SF1: variants seen among roughly 807,000 people sequenced by gnomAD.
The protein encoded by SF1 is branch point-binding protein.
Under a neutral mutation model 62.5 loss-of-function variants are expected in SF1, and 7 were observed. The ratio of observed to expected loss-of-function variants is 0.11; its 90% CI spans 0.06 to 0.21. The LOEUF is 0.21. Ranked by LOEUF, SF1 falls within the 10% of genes least tolerant of loss-of-function variation. SF1 has a pLI of 1.00. For missense variants in SF1, 578 were observed against 884.0 expected (o/e 0.65, Z 4.39); for synonymous variants, 394 against 323.6 (o/e 1.22, Z -2.33).
rs370298512 is a variant in SF1 at position 64,765,961 on chromosome 11, C to T, written c.1777G>A (p.Ala593Thr). The change falls in exon 13 of 13, where the codon GCC (alanine) becomes ACC (threonine). Residue 593 changes from alanine to threonine, a missense_variant. Transcript: ENST00000377390. The part of the protein sequence containing the change: ...PPPPPPPPGS[A>T]GMMYAPPPPP... The stretch of plus-strand genomic sequence containing the variant: ...GGGGGCGGGGCATACATCATGCCGG[C>T]GGAACCAGGCGGTGGAGGCGGCGGA... The T allele has an allele frequency of 3.4e-5, 52 of 1,514,918 alleles. No individual in the cohort carries two copies. Among genetic ancestry groups the T allele is most frequent in the African/African-American group, 8.0e-5 (5 of 62,426 alleles). The allele number at this position is 1,514,918 out of a possible 1,614,324, so 93.8% of individuals were successfully genotyped here.
intron 1 of SF1, among the ~76,000 whole-genome samples, chr11:64,776,909 T>C (rs916673919): frequency 1.3e-5 from 2 of 152,204 alleles, no homozygotes; most frequent in African/African-American, 4.8e-5. Flanking sequence ...TTAATGCATA[T>C]GGCTGCAGAG....
At chr11:64,778,055 G>T in intron 1 of SF1, 2 of 1,008,058 alleles carry the variant, frequency 2.0e-6, no homozygotes, top group Non-Finnish European at 2.4e-6. Flanking sequence ...CGGCTGCGGC[G>T]GCGACACGCG....
At chr11:64,772,337 A>T (rs569073852) in intron 3 of SF1, 1 of 980,404 alleles carries the variant, frequency 1.0e-6, no homozygotes, top group Non-Finnish European at 1.2e-6. Flanking sequence ...AAAAAAAAAA[A>T]TCTTCAAAAA....
chr11:64,769,866 G>C (rs2135924328), intron 5 of SF1, 98 bp downstream of exon 5: 2 of 955,544 alleles, frequency 2.1e-6, no homozygotes, highest in Admixed American at 2.4e-5. Flanking sequence ...CTACCAAAAA[G>C]GGGAAAAGTA....
chr11:64,770,532 C>T (rs1938149198), intron 3 of SF1, 124 bp from the exon 4 acceptor site: 3 of 1,029,166 alleles, frequency 2.9e-6, no homozygotes, highest in African/African-American at 1.6e-5. Context: ...TCGGAGGAAC[C>T]GACCATAACG....
rs768255768 is a variant in SF1 at position 64,767,083 on chromosome 11, T to C, written c.1403-4A>G. 7 of 1,600,058 alleles carry C rather than the reference T, an allele frequency of 4.4e-6. No individual in the cohort carries two copies. In the Admixed American group the frequency reaches 1.2e-4, roughly 27 times the overall value. On this transcript the variant is annotated splice_polypyrimidine_tract_variant and splice_region_variant and intron_variant, in intron 11 of 12. Coordinates refer to ENST00000377390, the MANE Select transcript of SF1 (RefSeq NM_004630.4). ...ATAGGTGGTGGCGGCATCATACCTG[T>C]GGACAGGTGGAGGCAAAGATGAGGC...
intron 10 of SF1, 39 bp downstream of exon 10, chr11:64,767,532 C>T (rs370431239): frequency 5.3e-6 from 8 of 1,519,378 alleles, no homozygotes; most frequent in Non-Finnish European, 7.0e-6. Context: ...CCTTGCTTAT[C>T]CCAAAGCCCC....
intron 12 of SF1, 139 bp from the exon 13 acceptor site, chr11:64,766,294 G>GGGGGGGGGGGGGGGGGGGGC: frequency 1.2e-5 from 1 of 85,182 alleles, no homozygotes; most frequent in Non-Finnish European, 2.3e-5. Context: ...GGTGGGCGGG[G>GGGGGGGGGGGGGGGGGGGGC]CTGGTGATGG....
intron 2 of SF1, chr11:64,776,263 G>T (rs1019376512): frequency 2.2e-6 from 1 of 457,436 alleles, no homozygotes; most frequent in Non-Finnish European, 4.0e-6. Context: ...TTACTCCTAA[G>T]TGAAACCCTA....
chr11:64,766,866 A>ACCCCCCC, intron 12 of SF1, 34 bp downstream of exon 12: 2 of 181,358 alleles, frequency 1.1e-5, no homozygotes, highest in Non-Finnish European at 2.0e-5. Flanking sequence ...CCCCCATCCC[A>ACCCCCCC]CCCACCCCCA....
At chr11:64,766,224 T>C in intron 12 of SF1, 69 bp from the exon 13 acceptor site, 6 of 999,072 alleles carry the variant, frequency 6.0e-6, no homozygotes, top group Non-Finnish European at 7.9e-6. Flanking sequence ...GCTGCTGCCT[T>C]GGGATGGGGG....
intron 3 of SF1, 155 bp downstream of exon 3, chr11:64,773,275 T>C (rs538163741): frequency 4.8e-6 from 7 of 1,451,984 alleles, no homozygotes; most frequent in Admixed American, 6.6e-5. Flanking sequence ...TGACTGACCA[T>C]ACATATTTCT....
chr11:64,769,935 C>A (rs771169802), intron 5 of SF1, 29 bp downstream of exon 5: 1 of 1,527,786 alleles, frequency 6.5e-7, no homozygotes, highest in Non-Finnish European at 9.1e-7. Flanking sequence ...TAAAGGAATT[C>A]TATATCCTAT....
chr11:64,775,473 T>C (rs1939056348), intron 2 of SF1, among the ~76,000 whole-genome samples: 1 of 152,086 alleles, frequency 6.6e-6, no homozygotes. Flanking sequence ...AAAGAACAAG[T>C]ATTAGTAGTA....
At chr11:64,773,825 C>A (rs1406379017) in intron 2 of SF1, among the ~76,000 whole-genome samples, 1 of 152,166 alleles carries the variant, frequency 6.6e-6, no homozygotes, top group East Asian at 1.9e-4. Context: ...TCCTCCCCAC[C>A]AAGGCTTGCT....
At chr11:64,767,969 C>G in intron 9 of SF1, 125 bp from the exon 10 acceptor site, 1 of 1,461,560 alleles carries the variant, frequency 6.8e-7, no homozygotes, top group Non-Finnish European at 9.2e-7. Context: ...AGTCCCCAAA[C>G]TGGCCTGAGA....
rs1220723830 is a variant in SF1 at position 64,764,764 on chromosome 11, G to A, written c.*1054C>T. 6.6e-6 allele frequency: 1 copy of A among 152,608 alleles called. No homozygotes were observed. The highest frequency in any genetic ancestry group is 2.4e-5 in the African/African-American group (1 of 41,426). The allele number at this position is 152,608 out of a possible 1,614,324, so 9.5% of individuals were successfully genotyped here. ...GTCAACAGAATCACTTCATGGAGAG[G>A]GAAGCGGGAGGAAAAAGGAAGGAGA... On this transcript the variant is annotated 3_prime_UTR_variant, in exon 13 of 13. Coordinates refer to ENST00000377390, the MANE Select transcript of SF1 (RefSeq NM_004630.4).
chr11:64,777,171 G>A (rs1939413471), intron 1 of SF1, among the ~76,000 whole-genome samples: 2 of 152,166 alleles, frequency 1.3e-5, no homozygotes, highest in Admixed American at 6.5e-5. Flanking sequence ...GCCAAGATCA[G>A]CATTCAGTTT....
intron 3 of SF1, chr11:64,771,734 A>G (rs1347251987): frequency 5.1e-6 from 5 of 985,310 alleles, no homozygotes; most frequent in Admixed American, 6.1e-5. Flanking sequence ...GTCTACAAGA[A>G]AAGTTTTAAA....
Sources: gnomAD v4.1 joint callset for allele counts (sites outside exome capture counted in the v4.1 genomes callset) on GRCh38, gnomAD v4.1.1 for gene constraint, MANE v1.5 for transcripts, NCBI Gene and HGNC (gene_info 2026-07-23, HGNC 2026-07-21) for gene names.